The following DHX16 variants were observed in gnomAD, a reference collection of about 807,000 sequenced individuals.
DHX16 encodes the protein pre-mRNA-splicing factor ATP-dependent RNA helicase DHX16.
DHX16 carries 81 observed loss-of-function variants against 131.2 expected under a neutral mutation model. That is an observed-to-expected ratio of 0.62 (90% confidence interval 0.52 to 0.74). DHX16 has a LOEUF of 0.74. Ranked by LOEUF, DHX16 falls within the 30% of genes least tolerant of loss-of-function variation. The pLI is 0.00. For synonymous variants in DHX16, 440 were observed against 520.2 expected, an observed-to-expected ratio of 0.85 and a Z score of 2.10; for missense variants, 980 against 1,363.1, an observed-to-expected ratio of 0.72 and a Z score of 4.43.
intron 4 of DHX16, among the ~76,000 whole-genome samples, chr6:30,669,650 A>G (rs1355671481): frequency 6.7e-6 from 1 of 149,460 alleles, no homozygotes; most frequent in Non-Finnish European, 1.5e-5. Context: ...CCAGCTACTC[A>G]GGAGGCGGAG....
In DHX16 at chr6:30,659,634, G is replaced by A. The variant is rs1435471024; in HGVS notation, c.1855-10C>T. 5 of 1,613,848 alleles carry A rather than the reference G, an allele frequency of 3.1e-6. No individual in the cohort carries two copies. The highest frequency in any genetic ancestry group is 4.2e-6 in the Non-Finnish European group (5 of 1,179,896). On this transcript the variant is annotated splice_polypyrimidine_tract_variant and intron_variant, in intron 11 of 19. Transcript: ENST00000376442. ...CAGCCTCAATCTCCTCCTGGATAGA[G>A]GGTAGGGAGAGCAGCAGGGGTCCCA...
Position 30,663,038 on chromosome 6 carries a change from AAAG to A in DHX16, c.1318-20_1318-18del, listed in dbSNP as rs767285060. 3.6e-5 allele frequency: 58 copies of A among 1,590,990 alleles called. No homozygotes were observed. The highest frequency in any genetic ancestry group is 4.5e-5 in the East Asian group (2 of 44,752). On this transcript the variant is annotated intron_variant, in intron 7 of 19. Coordinates refer to ENST00000376442, the MANE Select transcript of DHX16 (RefSeq NM_003587.5). ...TGTATAACCCTGAATGACAAAGAAA[AAAG>A]AAGAAGTTTGCCCTTTACTAAATAT...
intron 12 of DHX16, among the ~76,000 whole-genome samples, chr6:30,657,738 A>T (rs1768118555): frequency 6.6e-6 from 1 of 152,094 alleles, no homozygotes; most frequent in African/African-American, 2.4e-5. Context: ...TCTCCCAGAT[A>T]TCAGCCTGGC....
intron 4 of DHX16, among the ~76,000 whole-genome samples, chr6:30,667,365 G>A (rs1427300096): frequency 2.6e-5 from 4 of 151,980 alleles, no homozygotes; most frequent in East Asian, 1.9e-4. Flanking sequence ...AGAGGATCAC[G>A]AAGTCAGGAG....
At position 30,656,939 on chromosome 6, in the gene DHX16, T is replaced by A; in HGVS notation, c.2148+13A>T. ...ACTCCACCTCCCCCACTCCCATGCA[T>A]CCCCAGGCTGACCTTGCTGCAGGGT... is the stretch of plus-strand genomic sequence containing the variant. On this transcript the variant is annotated intron_variant, in intron 13 of 19. Coordinates refer to ENST00000376442, the MANE Select transcript of DHX16 (RefSeq NM_003587.5). The surrounding 1 kb of genome is among the most constrained non-coding windows in gnomAD (Gnocchi z 5.1). The A allele has an allele frequency of 6.2e-7, 1 of 1,609,496 alleles. No individual in the cohort carries two copies. The highest frequency in any genetic ancestry group is 1.7e-5 in the Admixed American group (1 of 59,838).
intron 9 of DHX16, chr6:30,661,611 C>A: frequency 1.6e-6 from 1 of 628,990 alleles, no homozygotes; most frequent in Non-Finnish European, 2.9e-6. Context: ...ACTCTGCATG[C>A]TCCTTGGTTT....
rs760452608 is a variant in DHX16, at chr6:30,670,913, A to C, written c.486T>G (p.Asp162Glu). Residue 162 changes from aspartate (D) to glutamate (E), a missense_variant, in exon 3 of 20, where the codon GAT (aspartate) becomes GAG (glutamate). This residue lies in a region of DHX16 where 457 missense variants were observed against 554.8 expected (regional missense o/e 0.82). Coordinates refer to ENST00000376442, the MANE Select transcript of DHX16 (RefSeq NM_003587.5). This position sits in a 1 kb window ranked among gnomAD's most constrained non-coding sequence, Gnocchi z 4.4. ...KQQTEKPESE[D>E]EWERTERERL... Reference sequence around the variant, plus strand: ...GTTCACGCTCTGTCCGTTCCCACTCATCTTCCGACTCTGGCTTCTCTGTCT... The same window carrying C: ...GTTCACGCTCTGTCCGTTCCCACTCCTCTTCCGACTCTGGCTTCTCTGTCT... The C allele has an allele frequency of 1.2e-6, 2 of 1,612,850 alleles. No individual in the cohort carries two copies. The highest frequency in any genetic ancestry group is 1.7e-5 in the Admixed American group (1 of 59,986).
rs749683230 is a variant in DHX16 at position 30,671,268 on chromosome 6, G to C, written c.214C>G (p.Arg72Gly). 8.7e-6 allele frequency: 14 copies of C among 1,612,870 alleles called. No homozygotes were observed. The South Asian group carries it at 1.4e-4, about 16-fold the overall frequency. ...FALRLWNKVP[R>G]KAVVEKPARA... ...GCTGGCTTTTCTACCACTGCCTTTC[G>C]TGGTACCTGTCAGTAGAGGGGAAGA... Residue 72 changes from arginine (R) to glycine (G), a missense_variant, in exon 2 of 20, where the codon CGA (arginine) becomes GGA (glycine). Around this residue, in one of 3 missense-constraint regions of DHX16, gnomAD observed 457 missense variants for 554.8 expected, o/e 0.82. Transcript: ENST00000376442.
At position 30,660,244 on chromosome 6, in the gene DHX16, TG is replaced by T; in HGVS notation, c.1545-3del. The T allele has an allele frequency of 6.6e-7, 1 of 1,525,582 alleles. No homozygotes were observed. Among genetic ancestry groups the T allele is most frequent in the Admixed American group, 2.1e-5 (1 of 47,584 alleles). 94.5% of individuals were successfully genotyped at this position (1,525,582 alleles called of 1,614,324 possible). ...TGTGCCTCATCCACCATCACCACGC[TG>T]GGGAGGGAATAGGAGAGCAATGAGG... On this transcript the variant is annotated splice_polypyrimidine_tract_variant and splice_region_variant and intron_variant, in intron 9 of 19. Coordinates refer to ENST00000376442, the MANE Select transcript of DHX16 (RefSeq NM_003587.5).
At chr6:30,661,772 A>T (rs1768537609) in intron 9 of DHX16, 1 of 717,576 alleles carries the variant, frequency 1.4e-6, no homozygotes, top group Non-Finnish European at 2.6e-6. Context: ...TGTGATGGTG[A>T]AGTCCCCAGC....
In DHX16 at chr6:30,665,776, A is replaced by G. The variant is rs989282085; in HGVS notation, c.667-43T>C. The G allele has an allele frequency of 6.9e-6, 11 of 1,584,064 alleles. No homozygotes were observed. The highest frequency in any genetic ancestry group is 9.4e-6 in the Non-Finnish European group (11 of 1,170,050). On this transcript the variant is annotated intron_variant, in intron 4 of 19. Coordinates refer to ENST00000376442, the MANE Select transcript of DHX16 (RefSeq NM_003587.5). The surrounding 1 kb of genome is among the most constrained non-coding windows in gnomAD (Gnocchi z 4.8). ...AGTCGAATCCTCATCTTGCTGGAGG[A>G]GCAACCCCTTTCTCTACCAATCCCT... is the stretch of plus-strand genomic sequence containing the variant.
chr6:30,659,981 G>A (rs1341628061), intron 10 of DHX16, 51 bp downstream of exon 10: 2 of 1,590,206 alleles, frequency 1.3e-6, no homozygotes, highest in Admixed American at 3.4e-5. Context: ...CTTCTCCAAA[G>A]GCCTCAGCTT....
At position 30,672,816 on chromosome 6, in the gene DHX16, C is replaced by T; in HGVS notation, c.26G>A (p.Arg9His). Reference protein sequence around the residue: MATPAGLERWVQDELHSVL... With the variant: MATPAGLEHWVQDELHSVL... ...CGAGTGCAGCTCGTCCTGAACCCAG[C>T]GCTCCAGACCCGCCGGCGTCGCCAT... The change falls in exon 1 of 20, where the codon CGC becomes CAC. Residue 9 changes from arginine (R) to histidine (H), a missense_variant. This residue lies in a region of DHX16 where 457 missense variants were observed against 554.8 expected (regional missense o/e 0.82). Coordinates refer to ENST00000376442, the MANE Select transcript of DHX16 (RefSeq NM_003587.5). The T allele has an allele frequency of 1.2e-6, 2 of 1,612,558 alleles. No homozygotes were observed. Among genetic ancestry groups the T allele is most frequent in the African/African-American group, 2.7e-5 (2 of 75,070 alleles).
chr6:30,670,516 A>G lies in DHX16; in HGVS notation c.610-50T>C. On this transcript the variant is annotated intron_variant, in intron 3 of 19. Coordinates refer to ENST00000376442, the MANE Select transcript of DHX16 (RefSeq NM_003587.5). The surrounding 1 kb of genome is among the most constrained non-coding windows in gnomAD (Gnocchi z 4.4). ...GGGTGTGAGGCCAAAGAGCCCCCAC[A>G]CTGACAGCTGCTCCCCTCTAGAATC... The G allele has an allele frequency of 6.4e-7, 1 of 1,567,274 alleles. No homozygotes were observed. The highest frequency in any genetic ancestry group is 8.7e-7 in the Non-Finnish European group (1 of 1,145,270).
chr6:30,656,722 AC>A lies in DHX16; in HGVS notation c.2185del (p.Val729TrpfsTer42), dbSNP rs759769734. On this transcript the variant is annotated frameshift_variant, in exon 14 of 20. Transcript: ENST00000376442. LOFTEE classifies it high-confidence loss of function. This position sits in a 1 kb window ranked among gnomAD's most constrained non-coding sequence, Gnocchi z 5.1. ...CAGGCGGAAGCACTTCCCTGCAGCC[AC>A]CCGACCTGCCCTGCCAGCTCGCTGA... The part of the protein sequence containing the change: ...ANQRAGRAGR[V>X]AAGKCFRLYT... 2 of 1,612,648 alleles carry A rather than the reference AC, an allele frequency of 1.2e-6. No homozygotes were observed. Among genetic ancestry groups the A allele is most frequent in the Non-Finnish European group, 1.7e-6 (2 of 1,180,032 alleles).
chr6:30,670,342 C>G lies in DHX16; in HGVS notation c.666+68G>C. On this transcript the variant is annotated intron_variant, in intron 4 of 19. Transcript: ENST00000376442. This position sits in a 1 kb window ranked among gnomAD's most constrained non-coding sequence, Gnocchi z 4.4. ...TGTGCTTCCTCTGTATCCTCTCTCC[C>G]TATACACTCTATCAGAAAGTCTTTC... is the stretch of plus-strand genomic sequence containing the variant. The G allele has an allele frequency of 2.0e-6, 3 of 1,484,472 alleles. No individual in the cohort carries two copies. Among genetic ancestry groups the G allele is most frequent in the Non-Finnish European group, 1.8e-6 (2 of 1,085,552 alleles). 92.0% of individuals were successfully genotyped at this position (1,484,472 alleles called of 1,614,324 possible).
In DHX16 at chr6:30,654,781, G is replaced by A; in HGVS notation, c.2922C>T (p.Ser974=). The part of the protein sequence containing the change: ...QQQTVFIHPN[S]SLFEQQPRWL... ...AGCGTGGCTGTTGCTCAAAGAGGGA[G>A]GAGTTGGGATGAATGAAGACTGTCT... The change falls in exon 19 of 20, where the codon TCC becomes TCT. Residue 974 remains serine (S), a synonymous_variant. Transcript: ENST00000376442. 6.2e-7 allele frequency: 1 copy of A among 1,613,052 alleles called. No individual in the cohort carries two copies. Among genetic ancestry groups the A allele is most frequent in the Non-Finnish European group, 8.5e-7 (1 of 1,180,024 alleles).
In DHX16 at chr6:30,670,372, T is replaced by G; in HGVS notation, c.666+38A>C. The G allele has an allele frequency of 1.3e-6, 2 of 1,581,056 alleles. No individual in the cohort carries two copies. Among genetic ancestry groups the G allele is most frequent in the Non-Finnish European group, 1.7e-6 (2 of 1,158,616 alleles). On this transcript the variant is annotated intron_variant, in intron 4 of 19. Coordinates refer to ENST00000376442, the MANE Select transcript of DHX16 (RefSeq NM_003587.5). This position sits in a 1 kb window ranked among gnomAD's most constrained non-coding sequence, Gnocchi z 4.4. ...CACTCTATCAGAAAGTCTTTCCTTT[T>G]GTCTTCTGATCTTGGCTCCCTAGGC...
At chr6:30,669,170 TC>T (rs1769306150) in intron 4 of DHX16, among the ~76,000 whole-genome samples, 1 of 152,148 alleles carries the variant, frequency 6.6e-6, no homozygotes, top group Non-Finnish European at 1.5e-5. Context: ...ATGCCTATAA[TC>T]CCAACACTTT....
Sources: gnomAD v4.1 joint callset for allele counts (sites outside exome capture counted in the v4.1 genomes callset) on GRCh38, gnomAD v4.1.1 for gene constraint, gnomAD v4.1.1 regional missense constraint, Gnocchi (gnomAD v3.1) non-coding constraint, MANE v1.5 for transcripts, NCBI Gene and HGNC (gene_info 2026-07-23, HGNC 2026-07-21) for gene names.